Variants in LARP4 observed in about 807,000 individuals in gnomAD.
LARP4 encodes the protein La ribonucleoprotein 4, also known as la-related protein 4.
LARP4 carries 29 observed loss-of-function variants against 92.9 expected under a neutral mutation model. That is an observed-to-expected ratio of 0.31 (90% CI 0.23 to 0.43). LARP4 has a LOEUF of 0.43. Among genes scored for constraint, LARP4 ranks in the 20% least tolerant of loss-of-function variants. LARP4 has a pLI of 1.00. For missense variants in LARP4, 732 were observed against 860.0 expected, an observed-to-expected ratio of 0.85 and a Z score of 1.86; for synonymous variants, 279 against 284.1, an observed-to-expected ratio of 0.98 and a Z score of 0.18.
At chr12:50,458,636 T>C (rs919304537) in intron 10 of LARP4, among the ~76,000 whole-genome samples, 1 of 152,230 alleles carries the variant, frequency 6.6e-6, no homozygotes, top group South Asian at 2.1e-4. Context: ...AACTGAGATA[T>C]ATAAACTGCA....
At chr12:50,465,929 A>G (rs988137955) in intron 12 of LARP4, among the ~76,000 whole-genome samples, 3 of 152,228 alleles carry the variant, frequency 2.0e-5, no homozygotes, top group African/African-American at 7.2e-5. Flanking sequence ...TATGAGAAGT[A>G]AAGAGTAATA....
intron 1 of LARP4, among the ~76,000 whole-genome samples, chr12:50,403,237 G>A (rs1378447446): frequency 6.6e-6 from 1 of 152,136 alleles, no homozygotes; most frequent in African/African-American, 2.4e-5. Context: ...TAGAATTGAG[G>A]AAGTAAGTAC....
At chr12:50,438,645 T>C (rs925378043) in intron 6 of LARP4, among the ~76,000 whole-genome samples, 1 of 152,250 alleles carries the variant, frequency 6.6e-6, no homozygotes, top group Non-Finnish European at 1.5e-5. Context: ...GACAATTAGA[T>C]TCTCCCAGTT....
At position 50,401,658 on chromosome 12, in the gene LARP4, G is replaced by A. The variant is rs374797505; in HGVS notation, c.18+630G>A. ...GGCACCGCTTTGACCTTTTGTAAAA[G>A]TTACTCAAGCAGCAGCTGCGTGATG... On this transcript the variant is annotated intron_variant, in intron 1 of 15. Coordinates refer to ENST00000398473, the MANE Select transcript of LARP4 (RefSeq NM_052879.5). Among the ~76,000 whole-genome samples the A allele has an allele frequency of 2.2e-4, 33 of 152,242 alleles. No homozygotes were observed. The East Asian group carries it at 2.7e-3, about 12-fold the overall frequency.
intron 10 of LARP4, 103 bp downstream of exon 10, chr12:50,454,520 G>T: frequency 1.2e-6 from 1 of 859,374 alleles, no homozygotes; most frequent in Admixed American, 3.0e-5. Flanking sequence ...AAGGTTTGGT[G>T]GATTTTTTGT....
intron 13 of LARP4, among the ~76,000 whole-genome samples, chr12:50,468,394 C>T (rs1255301389): frequency 1.3e-5 from 2 of 151,688 alleles, no homozygotes; most frequent in South Asian, 2.1e-4. Context: ...CCTGGGTTCA[C>T]GCCATTCTCT....
chr12:50,411,418 C>G (rs962870139), intron 1 of LARP4, among the ~76,000 whole-genome samples: 1 of 151,938 alleles, frequency 6.6e-6, no homozygotes, highest in Non-Finnish European at 1.5e-5. Context: ...GGCACAATCT[C>G]AGCTCACGGC....
chr12:50,473,802 T>G (rs10876036), intron 14 of LARP4, among the ~76,000 whole-genome samples, 197 bp from the exon 15 acceptor site: 33 of 101,510 alleles, frequency 3.3e-4, no homozygotes, highest in African/African-American at 1.5e-3. Context: ...GGGGTGGGGG[T>G]GGGTGGGGGG....
intron 5 of LARP4, 35 bp from the exon 6 acceptor site, chr12:50,437,700 C>CAATTTGAT: frequency 8.3e-7 from 1 of 1,201,124 alleles, no homozygotes; most frequent in Non-Finnish European, 1.2e-6. Context: ...CACTACTTGT[C>CAATTTGAT]ACGTTTGAGT....
chr12:50,422,193 G>GACC (rs1283632217), intron 1 of LARP4, among the ~76,000 whole-genome samples: 1 of 152,048 alleles, frequency 6.6e-6, no homozygotes, highest in African/African-American at 2.4e-5. Flanking sequence ...TCACACTCCT[G>GACC]ACCTCAAGTG....
chr12:50,465,137 C>T (rs1436120391), intron 12 of LARP4, among the ~76,000 whole-genome samples: 2 of 152,072 alleles, frequency 1.3e-5, no homozygotes, highest in Non-Finnish European at 2.9e-5. Flanking sequence ...TTTGGGAGGC[C>T]CCGGTGGGTG....
At chr12:50,416,947 A>C (rs1034668735) in intron 1 of LARP4, among the ~76,000 whole-genome samples, 1 of 152,142 alleles carries the variant, frequency 6.6e-6, no homozygotes, top group Non-Finnish European at 1.5e-5. Flanking sequence ...CCTGGGCAAA[A>C]GAGTGAGATC....
chr12:50,450,390 G>C (rs1359139060), intron 8 of LARP4, among the ~76,000 whole-genome samples: 1 of 152,144 alleles, frequency 6.6e-6, no homozygotes, highest in Admixed American at 6.5e-5. Flanking sequence ...CTAGACACAA[G>C]TAGTATTTGT....
At chr12:50,440,331 G>A (rs1951018791) in intron 6 of LARP4, 108 bp from the exon 7 acceptor site, 1 of 750,486 alleles carries the variant, frequency 1.3e-6, no homozygotes, top group Non-Finnish European at 2.3e-6. Flanking sequence ...TGAAGTGATA[G>A]GACCAAAGAC....
At chr12:50,425,706 T>A (rs1948606712) in intron 1 of LARP4, among the ~76,000 whole-genome samples, 1 of 152,138 alleles carries the variant, frequency 6.6e-6, no homozygotes, top group East Asian at 1.9e-4. Context: ...GGACCCCAGC[T>A]TTGCCTGCCA....
In LARP4 at chr12:50,413,704, T is replaced by TA. The variant is rs569080497; in HGVS notation, c.18+12677dup. Among the ~76,000 whole-genome samples the TA allele has an allele frequency of 5.7e-3, 872 of 152,316 alleles. 13 individuals carry two copies. Among genetic ancestry groups the TA allele is most frequent in the Non-Finnish European group, 5.2e-3 (357 of 68,022 alleles). On this transcript the variant is annotated intron_variant, in intron 1 of 15. Coordinates refer to ENST00000398473, the MANE Select transcript of LARP4 (RefSeq NM_052879.5). The stretch of plus-strand genomic sequence containing the variant: ...CATTAATGCAGCACATGACTGTAAT[T>TA]ATAGATTCATGAAGTTGCAAAACAG...
At chr12:50,452,734 T>C (rs1953452743) in intron 8 of LARP4, among the ~76,000 whole-genome samples, 2 of 152,218 alleles carry the variant, frequency 1.3e-5, no homozygotes, top group Admixed American at 1.3e-4. Context: ...GTTTAGCATC[T>C]GTTTCATATG....
intron 13 of LARP4, among the ~76,000 whole-genome samples, chr12:50,472,551 G>A (rs1451002840): frequency 6.7e-6 from 1 of 149,602 alleles, no homozygotes; most frequent in Non-Finnish European, 1.5e-5. Flanking sequence ...ACACGGTCTT[G>A]CTCTGTTCCC....
intron 1 of LARP4, among the ~76,000 whole-genome samples, chr12:50,418,834 T>G (rs1947277572): frequency 6.6e-6 from 1 of 152,106 alleles, no homozygotes; most frequent in Non-Finnish European, 1.5e-5. Flanking sequence ...TCCTCCAGCC[T>G]TAGCCTCCCA....
Sources: allele counts gnomAD v4.1 joint callset (sites outside exome capture counted in the v4.1 genomes callset), GRCh38; gene constraint gnomAD v4.1.1; transcripts MANE v1.5; gene names NCBI Gene and HGNC (gene_info 2026-07-23, HGNC 2026-07-21).